MAP2: variants seen among roughly 807,000 people sequenced by gnomAD.
MAP2 encodes microtubule associated protein 2.
Under a neutral mutation model 137.6 loss-of-function variants are expected in MAP2, and 14 were observed. That is an observed-to-expected ratio of 0.10 (90% confidence interval 0.07 to 0.16). The LOEUF is 0.16. MAP2 is among the 10% of genes least tolerant of loss of function. MAP2 has a pLI of 1.00. For missense variants in MAP2, 2,088 were observed against 2,191.5 expected (o/e 0.95, Z 0.94); for synonymous variants, 786 against 782.3 (o/e 1.00, Z -0.08).
chr2:209,564,556 T>TAAAAAAA (rs757367849), intron 2 of MAP2, among the ~76,000 whole-genome samples: 2 of 55,990 alleles, frequency 3.6e-5, no homozygotes, highest in Non-Finnish European at 7.3e-5. Context: ...CTCTGTGGAG[T>TAAAAAAA]AAAAAAAAAA....
chr2:209,574,959 A>C (rs2075059927), intron 2 of MAP2, among the ~76,000 whole-genome samples: 1 of 152,222 alleles, frequency 6.6e-6, no homozygotes, highest in Non-Finnish European at 1.5e-5. Context: ...GTGTAGTCAT[A>C]TCTCTACAAA....
intron 1 of MAP2, among the ~76,000 whole-genome samples, chr2:209,491,510 CTAGT>C (rs886890377): frequency 2.6e-5 from 4 of 152,102 alleles, no homozygotes; most frequent in African/African-American, 7.2e-5. Flanking sequence ...AATCCAGGAG[CTAGT>C]TTGTTTGAAA....
chr2:209,499,118 C>T (rs892597010), intron 1 of MAP2, among the ~76,000 whole-genome samples: 2 of 152,122 alleles, frequency 1.3e-5, no homozygotes, highest in African/African-American at 2.4e-5. Flanking sequence ...TTTATTTGCT[C>T]CTGCTTCTGA....
intron 1 of MAP2, among the ~76,000 whole-genome samples, chr2:209,475,822 GA>G (rs1204866136): frequency 6.6e-6 from 1 of 152,052 alleles, no homozygotes; most frequent in Non-Finnish European, 1.5e-5. Flanking sequence ...CAAGAAATAT[GA>G]ACACGGTGGA....
intron 7 of MAP2, chr2:209,690,937 C>A: frequency 8.7e-7 from 1 of 1,147,106 alleles, no homozygotes; most frequent in Non-Finnish European, 1.1e-6. Context: ...CGCTATTTCG[C>A]TATTTCATCG....
chr2:209,707,742 G>A (rs2063921142), intron 12 of MAP2, among the ~76,000 whole-genome samples: 2 of 152,034 alleles, frequency 1.3e-5, no homozygotes, highest in African/African-American at 2.4e-5. Flanking sequence ...CATATATATT[G>A]AACAGCAGTG....
At chr2:209,477,703 G>A (rs979921310) in intron 1 of MAP2, among the ~76,000 whole-genome samples, 2 of 151,956 alleles carry the variant, frequency 1.3e-5, no homozygotes, top group Non-Finnish European at 2.9e-5. Flanking sequence ...TTCTGATGTT[G>A]AAAATACTAA....
At chr2:209,550,571 C>T (rs912777134) in intron 2 of MAP2, among the ~76,000 whole-genome samples, 2 of 152,070 alleles carry the variant, frequency 1.3e-5, no homozygotes, top group African/African-American at 4.8e-5. Flanking sequence ...ATGAAACAAC[C>T]TCCTGGATAG....
At chr2:209,565,449 G>A (rs899647770) in intron 2 of MAP2, among the ~76,000 whole-genome samples, 5 of 151,834 alleles carry the variant, frequency 3.3e-5, no homozygotes, top group Non-Finnish European at 7.4e-5. Context: ...TGAACTCCTG[G>A]GCTCAAGCGA....
At chr2:209,521,560 A>T (rs288054) in intron 2 of MAP2, among the ~76,000 whole-genome samples, 57 of 149,324 alleles carry the variant, frequency 3.8e-4, no homozygotes, top group Non-Finnish European at 6.1e-4. Flanking sequence ...AATCTTATTT[A>T]AAAAAAAAAA....
chr2:209,526,857 G>A (rs1180287441), intron 2 of MAP2, among the ~76,000 whole-genome samples: 1 of 151,948 alleles, frequency 6.6e-6, no homozygotes, highest in Non-Finnish European at 1.5e-5. Context: ...ATGTACAAAT[G>A]TCTTTCCTAA....
At chr2:209,714,361 G>A (rs576848568) in intron 13 of MAP2, among the ~76,000 whole-genome samples, 1 of 152,298 alleles carries the variant, frequency 6.6e-6, no homozygotes, top group South Asian at 2.1e-4. Flanking sequence ...CCATGTCTGT[G>A]GATCTGATTG....
At chr2:209,722,105 A>C (rs2071329717) in intron 13 of MAP2, 1 of 152,226 alleles carries the variant, frequency 6.6e-6, no homozygotes, top group African/African-American at 2.4e-5. Context: ...TCTCCGTCTT[A>C]TGTGAAACAT....
At position 209,733,481 on chromosome 2, in the gene MAP2, CACACA is replaced by C. The variant is rs1418839673; in HGVS notation, c.*3085_*3089del. The C allele has an allele frequency of 4.6e-5, 7 of 152,420 alleles. No individual in the cohort carries two copies. In the East Asian group the frequency reaches 1.4e-3, roughly 29 times the overall value. 9.4% of individuals were successfully genotyped at this position (152,420 alleles called of 1,614,324 possible). A position where few individuals can be genotyped will look rare whatever the true frequency, so the allele number is the denominator to read the frequency against. ...TTCTCCACACACACACACACACACA[CACACA>C]CACACACCTACAGTAATACAGCAAG... On this transcript the variant is annotated 3_prime_UTR_variant, in exon 16 of 16. Coordinates refer to ENST00000682079, the MANE Select transcript of MAP2 (RefSeq NM_001375505.1).
intron 3 of MAP2, among the ~76,000 whole-genome samples, chr2:209,597,241 C>T (rs1200215112): frequency 2.6e-5 from 4 of 152,118 alleles, no homozygotes; most frequent in Non-Finnish European, 5.9e-5. Context: ...TTTTCCATTA[C>T]TTACAGCCAA....
intron 4 of MAP2, among the ~76,000 whole-genome samples, chr2:209,649,197 G>A (rs2094611427): frequency 7.0e-6 from 1 of 143,212 alleles, no homozygotes; most frequent in African/African-American, 2.9e-5. Flanking sequence ...AAATTTTTTT[G>A]TAGAGATGGG....
Position 209,694,157 on chromosome 2 carries a change from G to A in MAP2, c.1987G>A (p.Asp663Asn), listed in dbSNP as rs769674020. The change falls in exon 8 of 16, where the codon GAT becomes AAT. Residue 663 changes from aspartate to asparagine, a missense_variant. Physicochemically the swap from Asp to Asn is conservative, Grantham distance 23. Around this residue, in one of 6 missense-constraint regions of MAP2, gnomAD observed 859 missense variants for 794.5 expected, o/e 1.08. Transcript: ENST00000682079. ...SSPQERMFTI[D>N]PKVYGEKRDL... ...TCCTCAAGAAAGAATGTTCACTATT[G>A]ATCCAAAAGTGTATGGAGAGAAAAG... is the stretch of plus-strand genomic sequence containing the variant. The A allele has an allele frequency of 5.0e-6, 8 of 1,614,060 alleles. No individual in the cohort carries two copies. The East Asian group carries it at 1.8e-4, about 36-fold the overall frequency.
chr2:209,442,430 C>T (rs564135949), intron 1 of MAP2, among the ~76,000 whole-genome samples: 1 of 151,498 alleles, frequency 6.6e-6, no homozygotes, highest in Non-Finnish European at 1.5e-5. Context: ...GTCCAAATGA[C>T]TAAAGATCAG....
chr2:209,634,122 T>G (rs2093347974), intron 4 of MAP2, among the ~76,000 whole-genome samples: 1 of 152,120 alleles, frequency 6.6e-6, no homozygotes, highest in African/African-American at 2.4e-5. Flanking sequence ...AATTCTTTCC[T>G]CAAGTTTGCT....
Sources: gnomAD v4.1 joint callset for allele counts (sites outside exome capture counted in the v4.1 genomes callset) on GRCh38, gnomAD v4.1.1 for gene constraint, gnomAD v4.1.1 regional missense constraint, MANE v1.5 for transcripts, NCBI Gene and HGNC (gene_info 2026-07-23, HGNC 2026-07-21) for gene names.